Variants in INPP4A observed in about 807,000 individuals in gnomAD.
INPP4A encodes inositol polyphosphate-4-phosphatase, type I, 107kD.
Under a neutral mutation model 119.8 loss-of-function variants are expected in INPP4A, and 33 were observed. The observed-to-expected ratio is 0.28, with a 90% confidence interval of 0.21 to 0.37. The LOEUF is 0.37. Ranked by LOEUF, INPP4A falls within the 10% of genes least tolerant of loss-of-function variation. The pLI, the probability that INPP4A is intolerant of heterozygous loss-of-function variation, is 1.00. For missense variants in INPP4A, 956 were observed against 1,289.9 expected, an observed-to-expected ratio of 0.74 and a Z score of 3.97; for synonymous variants, 496 against 500.7, an observed-to-expected ratio of 0.99 and a Z score of 0.12.
At chr2:98,552,283 A>G (rs541862445) in intron 13 of INPP4A, among the ~76,000 whole-genome samples, 5 of 152,316 alleles carry the variant, frequency 3.3e-5, no homozygotes, top group Non-Finnish European at 7.4e-5. Context: ...GGGTATGTTC[A>G]CAGGGAGCTT....
At chr2:98,487,861 TC>T (rs1679874140) in intron 1 of INPP4A, among the ~76,000 whole-genome samples, 1 of 152,242 alleles carries the variant, frequency 6.6e-6, no homozygotes, top group Non-Finnish European at 1.5e-5. Context: ...GCAGCTTGTT[TC>T]AGTAGCTATT....
intron 1 of INPP4A, among the ~76,000 whole-genome samples, chr2:98,508,452 G>A (rs1684497904): frequency 6.6e-6 from 1 of 152,198 alleles, no homozygotes. Context: ...AGTGAGTGAT[G>A]ATACCCCCCT....
In INPP4A at chr2:98,591,576, T is replaced by G. The variant is rs891851145; in HGVS notation, c.*3968T>G. On this transcript the variant is annotated 3_prime_UTR_variant, in exon 25 of 25. Coordinates refer to ENST00000409851, the MANE Select transcript of INPP4A (RefSeq NM_001134225.2). ...ACATCAGCTACCGTGAGCTTCTTCC[T>G]GCCCTCCCTCCGCATGCCATTCTGG... is the stretch of plus-strand genomic sequence containing the variant. The G allele has an allele frequency of 6.6e-6, 1 of 152,192 alleles. No homozygotes were observed. Among genetic ancestry groups the G allele is most frequent in the Non-Finnish European group, 1.5e-5 (1 of 68,054 alleles). The allele number at this position is 152,192 out of a possible 1,614,324, so 9.4% of individuals were successfully genotyped here. A position where few individuals can be genotyped will look rare whatever the true frequency, so the allele number is the denominator to read the frequency against.
intron 1 of INPP4A, among the ~76,000 whole-genome samples, chr2:98,464,501 T>G (rs1283051361): frequency 1.3e-5 from 2 of 152,074 alleles, no homozygotes; most frequent in Non-Finnish European, 2.9e-5. Flanking sequence ...TGAAAAGCAG[T>G]TTGGAAGGTC....
At position 98,568,706 on chromosome 2, in the gene INPP4A, C is replaced by T. The variant is rs377640601; in HGVS notation, c.2518+38C>T. On this transcript the variant is annotated intron_variant, in intron 22 of 24. Coordinates refer to ENST00000409851, the MANE Select transcript of INPP4A (RefSeq NM_001134225.2). Reference sequence around the variant, plus strand: ...TCAGTCATGGTAGGTTTCACTTACTCGTCTTTTTATCAGTTTAGATGTCTG... The same window carrying T: ...TCAGTCATGGTAGGTTTCACTTACTTGTCTTTTTATCAGTTTAGATGTCTG... 149 of 1,155,348 alleles carry T rather than the reference C, an allele frequency of 1.3e-4. No individual in the cohort carries two copies. In the Middle Eastern group the frequency reaches 1.5e-3, roughly 12 times the overall value. 71.6% of individuals were successfully genotyped at this position (1,155,348 alleles called of 1,614,324 possible). A position where few individuals can be genotyped will look rare whatever the true frequency, so the allele number is the denominator to read the frequency against.
chr2:98,519,960 T>C lies in INPP4A; in HGVS notation c.-89T>C. The C allele has an allele frequency of 3.0e-6, 3 of 1,007,042 alleles. No individual in the cohort carries two copies. The highest frequency in any genetic ancestry group is 4.6e-6 in the Non-Finnish European group (3 of 651,346). 62.4% of individuals were successfully genotyped at this position (1,007,042 alleles called of 1,614,324 possible). On this transcript the variant is annotated 5_prime_UTR_variant, in exon 3 of 25. The change abolishes the stop of an existing upstream ORF in the 5' untranslated region. Coordinates refer to ENST00000409851, the MANE Select transcript of INPP4A (RefSeq NM_001134225.2). The stretch of plus-strand genomic sequence containing the variant: ...CCTTTTCTCAGGGCTACTGCCACTT[T>C]AGTGGACTAGGGCTCGGTGCCAGCA...
At position 98,564,649 on chromosome 2, in the gene INPP4A, C is replaced by G. The variant is rs745792046; in HGVS notation, c.2038C>G (p.Leu680Val). 1 of 1,613,416 alleles carries G rather than the reference C, an allele frequency of 6.2e-7. No homozygotes were observed. Among genetic ancestry groups the G allele is most frequent in the South Asian group, 1.1e-5 (1 of 90,938 alleles). The change falls in exon 19 of 25, where the codon CTC becomes GTC. Residue 680 changes from leucine to valine, a missense_variant. By Grantham distance (32) the Leu-to-Val change is conservative. Coordinates refer to ENST00000409851, the MANE Select transcript of INPP4A (RefSeq NM_001134225.2). ...CCCCACGCTCCCACAGCTGACCGCC[C>G]TCATCTGCGGCTTCATCATTAAGCT... ...DVVFCQTLTA[L>V]ICGFIIKLRN...
At chr2:98,522,025 A>G (rs1393808272) in intron 4 of INPP4A, among the ~76,000 whole-genome samples, 1 of 152,126 alleles carries the variant, frequency 6.6e-6, no homozygotes, top group African/African-American at 2.4e-5. Flanking sequence ...TGGTGGCTCA[A>G]TCCTGTAATC....
chr2:98,510,215 A>G (rs1684868544), intron 1 of INPP4A, among the ~76,000 whole-genome samples: 1 of 152,076 alleles, frequency 6.6e-6, no homozygotes, highest in Admixed American at 6.5e-5. Context: ...TTGTCAATGG[A>G]TTGGATGTGG....
chr2:98,446,962 C>G (rs1694298841), intron 1 of INPP4A, among the ~76,000 whole-genome samples: 1 of 152,108 alleles, frequency 6.6e-6, no homozygotes, highest in Non-Finnish European at 1.5e-5. Flanking sequence ...GAACTATCAG[C>G]CCTGCAAGTC....
At chr2:98,561,106 C>T (rs866662894) in intron 17 of INPP4A, among the ~76,000 whole-genome samples, 1 of 152,208 alleles carries the variant, frequency 6.6e-6, no homozygotes, top group African/African-American at 2.4e-5. Context: ...TTTCTCCCTC[C>T]CCTACTGATG....
chr2:98,529,817 TAAA>T (rs1373719391), intron 4 of INPP4A, among the ~76,000 whole-genome samples: 1 of 152,190 alleles, frequency 6.6e-6, no homozygotes, highest in Admixed American at 6.5e-5. Context: ...AATCATATCT[TAAA>T]AGAAACGTAG....
intron 1 of INPP4A, among the ~76,000 whole-genome samples, chr2:98,455,740 G>A (rs1696033566): frequency 6.6e-6 from 1 of 152,196 alleles, no homozygotes; most frequent in African/African-American, 2.4e-5. Context: ...TAGGGAAGTT[G>A]TTCTTTGGTC....
chr2:98,581,374 G>T (rs1396915716), intron 24 of INPP4A, among the ~76,000 whole-genome samples: 5 of 151,342 alleles, frequency 3.3e-5, no homozygotes, highest in Admixed American at 3.3e-4. Context: ...TTTTGTTTTG[G>T]TCTTCCTCTC....
chr2:98,502,522 A>G (rs1683314087), intron 1 of INPP4A, among the ~76,000 whole-genome samples: 1 of 152,018 alleles, frequency 6.6e-6, no homozygotes, highest in African/African-American at 2.4e-5. Context: ...TTTACATATG[A>G]TATGTGACAG....
At chr2:98,462,077 C>A (rs945236113) in intron 1 of INPP4A, among the ~76,000 whole-genome samples, 6 of 152,228 alleles carry the variant, frequency 3.9e-5, no homozygotes, top group African/African-American at 1.4e-4. Flanking sequence ...TCAATTATGA[C>A]CTGGCCTGTA....
At chr2:98,495,982 A>C (rs1176848844) in intron 1 of INPP4A, among the ~76,000 whole-genome samples, 1 of 152,198 alleles carries the variant, frequency 6.6e-6, no homozygotes, top group Non-Finnish European at 1.5e-5. Flanking sequence ...GATTTCTTTC[A>C]GGGCCTGCTA....
At chr2:98,533,538 T>C in intron 5 of INPP4A, 43 bp downstream of exon 5, 1 of 1,133,518 alleles carries the variant, frequency 8.8e-7, no homozygotes, top group Non-Finnish European at 1.3e-6. Flanking sequence ...TGGGACATGC[T>C]CTAGTGGTGT....
chr2:98,468,622 G>C (rs539466861), intron 1 of INPP4A, among the ~76,000 whole-genome samples: 2 of 152,260 alleles, frequency 1.3e-5, no homozygotes, highest in East Asian at 3.9e-4. Context: ...AATAAATGCT[G>C]TTTAGTGTGT....
Sources: allele counts gnomAD v4.1 joint callset (sites outside exome capture counted in the v4.1 genomes callset), GRCh38; gene constraint gnomAD v4.1.1; transcripts MANE v1.5; gene names NCBI Gene and HGNC (gene_info 2026-07-23, HGNC 2026-07-21).